SLC4A9: variants seen among roughly 807,000 people sequenced by gnomAD.
SLC4A9 encodes the protein solute carrier family 4 member 9, also known as anion exchange protein 4.
SLC4A9 carries 102 observed loss-of-function variants against 103.2 expected under a neutral mutation model. The ratio of observed to expected loss-of-function variants is 0.99; its 90% CI spans 0.84 to 1.17. SLC4A9 has a LOEUF of 1.17. Ranked by LOEUF, SLC4A9 falls within the 50% of genes most tolerant of loss-of-function variation. The pLI is 0.00. For missense variants in SLC4A9, 1,091 were observed against 1,193.7 expected (o/e 0.91, Z 1.27); for synonymous variants, 453 against 483.6 (o/e 0.94, Z 0.83).
chr5:140,374,160 G>A (rs1395358870), intron 21 of SLC4A9, among the ~76,000 whole-genome samples: 1 of 152,072 alleles, frequency 6.6e-6, no homozygotes, highest in African/African-American at 2.4e-5. Context: ...CTGCACTCCA[G>A]CCTGGGCGAC....
At chr5:140,372,123 GCA>G (rs1163232968) in intron 19 of SLC4A9, 117 bp from the exon 20 acceptor site, 1 of 907,948 alleles carries the variant, frequency 1.1e-6, no homozygotes, top group Non-Finnish European at 1.6e-6. Context: ...GAATGTGCTA[GCA>G]TTCAGTGAAA....
chr5:140,364,618 C>A lies in SLC4A9; in HGVS notation c.1644C>A (p.Gly548=). ...SAYGCLCQYP[G]PGGNESQWIR... ...ACGGGTGCCTCTGCCAATACCCAGG[C>A]CCAGGAGGTGGGTAAGGGAAACAGG... The change falls in exon 11 of 22, where the codon GGC becomes GGA. Residue 548 remains glycine, a synonymous_variant. Transcript: ENST00000506757. 1.2e-6 allele frequency: 2 copies of A among 1,600,058 alleles called. No homozygotes were observed.
intron 19 of SLC4A9, among the ~76,000 whole-genome samples, chr5:140,371,974 G>A (rs1260049700): frequency 6.6e-6 from 1 of 152,204 alleles, no homozygotes; most frequent in Non-Finnish European, 1.5e-5. Context: ...TATTGAGGAA[G>A]TTAAGAGTCA....
chr5:140,366,751 C>T (rs910709060), intron 14 of SLC4A9, among the ~76,000 whole-genome samples: 5 of 152,220 alleles, frequency 3.3e-5, no homozygotes. Context: ...TACGGGATTG[C>T]CCCACCCTTG....
At chr5:140,362,691 G>A (rs934289422) in intron 6 of SLC4A9, among the ~76,000 whole-genome samples, 159 bp downstream of exon 6, 1 of 152,180 alleles carries the variant, frequency 6.6e-6, no homozygotes, top group Admixed American at 6.5e-5. Context: ...TGAGACTGAA[G>A]TTTCCTCGTC....
intron 11 of SLC4A9, 54 bp downstream of exon 11, chr5:140,364,679 G>C: frequency 6.4e-7 from 1 of 1,562,980 alleles, no homozygotes; most frequent in Middle Eastern, 1.7e-4. Context: ...TAGGGAAGGG[G>C]AGGGGCTGCA....
chr5:140,362,781 T>C (rs538206699), intron 6 of SLC4A9, 131 bp from the exon 7 acceptor site: 1 of 1,194,402 alleles, frequency 8.4e-7, no homozygotes, highest in African/African-American at 1.5e-5. Context: ...AATGAATTAA[T>C]GCATGCATAA....
rs1767122174 is a variant in SLC4A9 at position 140,361,810 on chromosome 5, T to A, written c.508T>A (p.Ser170Thr). Residue 170 changes from serine to threonine, a missense_variant and splice_region_variant, in exon 4 of 22, where the codon TCT becomes ACT. Coordinates refer to ENST00000506757, the MANE Select transcript of SLC4A9 (RefSeq NM_031467.3). ...CACTGCATAATCCTGTTTTGTAGGC[T>A]CTACTCATCCAAGAAAGGCTTCTGA... ...QTTGTRPCWGSTHPRKASDNE... is the reference protein window; with the variant it reads ...QTTGTRPCWGTTHPRKASDNE... 6.2e-7 allele frequency: 1 copy of A among 1,613,886 alleles called. No homozygotes were observed. The highest frequency in any genetic ancestry group is 1.7e-5 in the Admixed American group (1 of 60,000).
rs1467364702 is a variant in SLC4A9, at chr5:140,367,901, G to A, written c.2354+3G>A. 1.2e-6 allele frequency: 2 copies of A among 1,613,674 alleles called. No individual in the cohort carries two copies. The highest frequency in any genetic ancestry group is 1.7e-6 in the Non-Finnish European group (2 of 1,179,776). On this transcript the variant is annotated splice_donor_region_variant and intron_variant, in intron 16 of 21. Transcript: ENST00000506757. ...CGCCCCAACTTCCTGGGTATCAGGT[G>A]AGGGCGGTATTTAGGAAGTGGAGTA...
chr5:140,374,037 A>T (rs1017895720), intron 21 of SLC4A9, among the ~76,000 whole-genome samples: 3 of 149,170 alleles, frequency 2.0e-5, no homozygotes, highest in Admixed American at 6.7e-5. Flanking sequence ...CTACTAAAAA[A>T]TAATAAAATT....
chr5:140,360,705 G>A (rs1169670610), intron 1 of SLC4A9, 107 bp from the exon 2 acceptor site: 1 of 1,542,474 alleles, frequency 6.5e-7, no homozygotes, highest in Non-Finnish European at 8.8e-7. Context: ...CACACCACTG[G>A]GCCCAGGATG....
At chr5:140,372,915 T>C in intron 21 of SLC4A9, 72 bp downstream of exon 21, 1 of 887,562 alleles carries the variant, frequency 1.1e-6, no homozygotes, top group East Asian at 2.9e-5. Context: ...AACTCTCCAG[T>C]GTGTTGGCCA....
rs961512129 is a variant in SLC4A9, at chr5:140,363,663, G to A, written c.1080-65G>A. Reference sequence around the variant, plus strand: ...TGGGAGGGGCTCACCCGGTCACAGGGAAAGTAGCGGGGATGCGGGTGTGGA... The same window carrying A: ...TGGGAGGGGCTCACCCGGTCACAGGAAAAGTAGCGGGGATGCGGGTGTGGA... On this transcript the variant is annotated intron_variant, in intron 8 of 21. Transcript: ENST00000506757. The surrounding 1 kb of genome is among the most constrained non-coding windows in gnomAD (Gnocchi z 4.5). 1.4e-5 allele frequency: 23 copies of A among 1,596,966 alleles called. No individual in the cohort carries two copies. The African/African-American group carries it at 2.7e-4, about 19-fold the overall frequency.
chr5:140,362,520 C>A lies in SLC4A9; in HGVS notation c.795C>A (p.Leu265=). 1 of 1,613,938 alleles carries A rather than the reference C, an allele frequency of 6.2e-7. No individual in the cohort carries two copies. ...YHEMGRAAAV[L]LSDPQFQWSV... The stretch of plus-strand genomic sequence containing the variant: ...AGATGGGACGGGCAGCAGCTGTCCT[C>A]CTCAGTGACCCGGTGAGCTGAGCAG... Residue 265 remains leucine, a synonymous_variant, in exon 6 of 22, where the codon CTC becomes CTA. Coordinates refer to ENST00000506757, the MANE Select transcript of SLC4A9 (RefSeq NM_031467.3).
chr5:140,362,297 TGG>T, intron 5 of SLC4A9, 123 bp downstream of exon 5: 1 of 1,283,276 alleles, frequency 7.8e-7, no homozygotes, highest in Non-Finnish European at 1.1e-6. Context: ...CTCAGGGGTC[TGG>T]GGAGAGAGTA....
At chr5:140,361,148 C>A (rs562751290) in intron 2 of SLC4A9, 106 bp from the exon 3 acceptor site, 3 of 1,214,168 alleles carry the variant, frequency 2.5e-6, no homozygotes, top group African/African-American at 3.0e-5. Context: ...TTGGCCCTGG[C>A]ATTCTGAGAC....
rs367851859 is a variant in SLC4A9 at position 140,367,501 on chromosome 5, G to T, written c.2095G>T (p.Ala699Ser). Residue 699 changes from alanine (A) to serine (S), a missense_variant, in exon 15 of 22, where the codon GCC becomes TCC. Transcript: ENST00000506757. ...WWWSVAAALPALLLSILIFMD... is the reference protein window; with the variant it reads ...WWWSVAAALPSLLLSILIFMD... ...GTGGAGTGTGGCAGCTGCCCTGCCTGCCCTGCTGCTGTCTATCCTCATCTT... is the reference window on the plus strand; with the variant it reads ...GTGGAGTGTGGCAGCTGCCCTGCCTTCCCTGCTGCTGTCTATCCTCATCTT... The T allele has an allele frequency of 1.9e-6, 3 of 1,605,408 alleles. No homozygotes were observed. The African/African-American group carries it at 4.0e-5, about 21-fold the overall frequency.
At chr5:140,369,935 T>C (rs898310092) in intron 17 of SLC4A9, among the ~76,000 whole-genome samples, 2 of 151,892 alleles carry the variant, frequency 1.3e-5, no homozygotes, top group Non-Finnish European at 2.9e-5. Context: ...CCAGGAGGTC[T>C]AGGCTGCAAT....
rs1767118993 is a variant in SLC4A9, at chr5:140,361,795, T to C, written c.506-13T>C. ...GCCTGTGGTCTTAATCACTGCATAA[T>C]CCTGTTTTGTAGGCTCTACTCATCC... On this transcript the variant is annotated splice_polypyrimidine_tract_variant and intron_variant, in intron 3 of 21. Coordinates refer to ENST00000506757, the MANE Select transcript of SLC4A9 (RefSeq NM_031467.3). 6.2e-7 allele frequency: 1 copy of C among 1,613,820 alleles called. No homozygotes were observed. Among genetic ancestry groups the C allele is most frequent in the African/African-American group, 1.3e-5 (1 of 74,934 alleles).
Sources: gnomAD v4.1 joint callset for allele counts (sites outside exome capture counted in the v4.1 genomes callset) on GRCh38, gnomAD v4.1.1 for gene constraint, Gnocchi (gnomAD v3.1) non-coding constraint, MANE v1.5 for transcripts, NCBI Gene and HGNC (gene_info 2026-07-23, HGNC 2026-07-21) for gene names.